Variants in EPB41L1 observed in about 807,000 individuals in gnomAD.
The protein encoded by EPB41L1 is band 4.1-like protein 1.
A neutral mutation model predicts 97.8 loss-of-function variants in EPB41L1; 29 were observed. That is an observed-to-expected ratio of 0.30 (90% CI 0.22 to 0.40). EPB41L1 has a LOEUF of 0.40. Among genes scored for constraint, EPB41L1 ranks in the 10% least tolerant of loss-of-function variants. The probability of loss-of-function intolerance (pLI) is 1.00; values close to 1 mark genes in which losing one functional copy is unlikely to be tolerated. For missense variants in EPB41L1, 812 were observed against 1,162.3 expected, an observed-to-expected ratio of 0.70 and a Z score of 4.38; for synonymous variants, 383 against 459.2, an observed-to-expected ratio of 0.83 and a Z score of 2.12.
At chr20:36,102,558 G>A (rs1402575005) in intron 1 of EPB41L1, among the ~76,000 whole-genome samples, 1 of 152,170 alleles carries the variant, frequency 6.6e-6, no homozygotes, top group Non-Finnish European at 1.5e-5. Context: ...GGTTGGACAG[G>A]ATAATCCCAA....
rs2064498722 is a variant in EPB41L1 at position 36,231,761 on chromosome 20, G to A, written c.*2421G>A. ...TCCACTCCAACTCCCCCTGAGTGTA[G>A]CAGCACACTTTCCATACACCAGGTT... On this transcript the variant is annotated 3_prime_UTR_variant, in exon 22 of 22. Transcript: ENST00000338074. 6.5e-6 allele frequency: 1 copy of A among 152,690 alleles called. No homozygotes were observed. The highest frequency in any genetic ancestry group is 2.4e-5 in the African/African-American group (1 of 41,462). 9.5% of individuals were successfully genotyped at this position (152,690 alleles called of 1,614,324 possible).
intron 21 of EPB41L1, 32 bp downstream of exon 21, chr20:36,222,426 G>C: frequency 6.4e-7 from 1 of 1,552,782 alleles, no homozygotes; most frequent in Non-Finnish European, 8.9e-7. Context: ...AACCATGAGA[G>C]AGAGGAGGGA....
chr20:36,170,610 T>C (rs1478037988), intron 1 of EPB41L1, among the ~76,000 whole-genome samples: 1 of 152,180 alleles, frequency 6.6e-6, no homozygotes, highest in African/African-American at 2.4e-5. Flanking sequence ...ACCTGAGTAC[T>C]TTCTCCTTTG....
chr20:36,108,826 G>T (rs1371280184), intron 1 of EPB41L1, among the ~76,000 whole-genome samples: 1 of 152,156 alleles, frequency 6.6e-6, no homozygotes, highest in East Asian at 1.9e-4. Flanking sequence ...CTAGTTATTT[G>T]GGGAAGGTTG....
chr20:36,220,514 TGGG>T (rs1157490576), intron 19 of EPB41L1, among the ~76,000 whole-genome samples: 1 of 152,170 alleles, frequency 6.6e-6, no homozygotes, highest in Non-Finnish European at 1.5e-5. Context: ...CTGGAGGATC[TGGG>T]CCTCAGGGAG....
intron 16 of EPB41L1, among the ~76,000 whole-genome samples, chr20:36,213,945 A>C (rs908754960): frequency 6.6e-6 from 1 of 152,050 alleles, no homozygotes; most frequent in Non-Finnish European, 1.5e-5. Context: ...GTTAGGAGGC[A>C]AATCTTGATT....
intron 2 of EPB41L1, among the ~76,000 whole-genome samples, chr20:36,142,926 C>G (rs1460133707): frequency 6.6e-6 from 1 of 152,212 alleles, no homozygotes; most frequent in Non-Finnish European, 1.5e-5. Flanking sequence ...GGCATGGCCT[C>G]CGTGGCCATG....
At chr20:36,172,679 C>A (rs1322844613) in intron 1 of EPB41L1, among the ~76,000 whole-genome samples, 1 of 152,098 alleles carries the variant, frequency 6.6e-6, no homozygotes, top group African/African-American at 2.4e-5. Flanking sequence ...CAGCTTACTG[C>A]AACCTCCGCC....
intron 1 of EPB41L1, among the ~76,000 whole-genome samples, chr20:36,103,956 G>A (rs1222254886): frequency 6.6e-6 from 1 of 152,018 alleles, no homozygotes; most frequent in African/African-American, 2.4e-5. Flanking sequence ...TGCCCGCCTC[G>A]GCCTCCCAAA....
chr20:36,182,189 G>T, intron 5 of EPB41L1, 83 bp from the exon 6 acceptor site: 1 of 1,303,088 alleles, frequency 7.7e-7, no homozygotes, highest in South Asian at 1.2e-5. Context: ...GAGAAACTTT[G>T]AAAAACTGCC....
intron 1 of EPB41L1, among the ~76,000 whole-genome samples, chr20:36,165,518 G>A (rs560421492): frequency 1.2e-3 from 189 of 152,164 alleles, no homozygotes; most frequent in African/African-American, 4.2e-3. Flanking sequence ...GGCCAACATG[G>A]TGAAACCCTG....
intron 11 of EPB41L1, 113 bp from the exon 12 acceptor site, chr20:36,194,099 G>A (rs2062076832): frequency 7.2e-7 from 1 of 1,387,596 alleles, no homozygotes; most frequent in Admixed American, 1.9e-5. Context: ...TGGGTGAGGG[G>A]TGTGGAAGAG....
chr20:36,130,768 C>CTCTCTT, intron 2 of EPB41L1, among the ~76,000 whole-genome samples: 1 of 151,186 alleles, frequency 6.6e-6, no homozygotes, highest in East Asian at 1.9e-4. Flanking sequence ...CTCTCTCTCT[C>CTCTCTT]TATTTGATTT....
intron 2 of EPB41L1, among the ~76,000 whole-genome samples, chr20:36,139,279 C>A (rs2059543110): frequency 6.6e-6 from 1 of 152,208 alleles, no homozygotes; most frequent in Non-Finnish European, 1.5e-5. Context: ...AAAAGAAAGG[C>A]TATGAAGTAG....
intron 1 of EPB41L1, among the ~76,000 whole-genome samples, chr20:36,106,608 C>T (rs1419142631): frequency 2.6e-5 from 4 of 152,208 alleles, no homozygotes; most frequent in Non-Finnish European, 5.9e-5. Context: ...ATTTTAGGTT[C>T]AGTAGGGTTT....
chr20:36,171,584 G>T (rs911427162), intron 1 of EPB41L1, among the ~76,000 whole-genome samples: 2 of 152,162 alleles, frequency 1.3e-5, no homozygotes, highest in Non-Finnish European at 2.9e-5. Context: ...TCCACTCTGT[G>T]GGGGGCTGAG....
At chr20:36,110,622 T>TACAC (rs11473679) in intron 1 of EPB41L1, 8,323 of 138,768 alleles carry the variant, frequency 0.06, 256 homozygotes, top group East Asian at 0.091. Context: ...CAGTTTGCTT[T>TACAC]ACACACACAC....
chr20:36,194,924 A>G (rs183408156), intron 12 of EPB41L1, among the ~76,000 whole-genome samples: 3 of 152,128 alleles, frequency 2.0e-5, no homozygotes, highest in African/African-American at 7.2e-5. Flanking sequence ...AACAACATGC[A>G]CACACACAGG....
At chr20:36,127,949 G>T (rs1188514804) in intron 2 of EPB41L1, among the ~76,000 whole-genome samples, 1 of 152,118 alleles carries the variant, frequency 6.6e-6, no homozygotes, top group African/African-American at 2.4e-5. Context: ...AACCCCTCTT[G>T]TCCTCATCTG....
Sources: allele counts gnomAD v4.1 joint callset (sites outside exome capture counted in the v4.1 genomes callset), GRCh38; gene constraint gnomAD v4.1.1; transcripts MANE v1.5; gene names NCBI Gene and HGNC (gene_info 2026-07-23, HGNC 2026-07-21).